The following EPB41L3 variants were observed in gnomAD, a reference collection of about 807,000 sequenced individuals.
The protein encoded by EPB41L3 is erythrocyte membrane protein band 4.1 like 3.
A neutral mutation model predicts 127.1 loss-of-function variants in EPB41L3; 57 were observed. The observed-to-expected ratio is 0.45, with a 90% CI of 0.36 to 0.56. The LOEUF is 0.56. Among genes scored for constraint, EPB41L3 ranks in the 20% least tolerant of loss-of-function variants. The pLI, the probability that EPB41L3 is intolerant of heterozygous loss-of-function variation, is 0.00. For missense variants in EPB41L3, 1,273 were observed against 1,372.2 expected, an observed-to-expected ratio of 0.93 and a Z score of 1.14; for synonymous variants, 572 against 549.5, an observed-to-expected ratio of 1.04 and a Z score of -0.57.
intron 14 of EPB41L3, among the ~76,000 whole-genome samples, chr18:5,408,205 T>C (rs2075726747): frequency 6.6e-6 from 1 of 152,074 alleles, no homozygotes; most frequent in East Asian, 1.9e-4. Context: ...TCAAAGAATA[T>C]GAAGAATTTT....
At chr18:5,536,985 C>G (rs759906477) in intron 1 of EPB41L3, among the ~76,000 whole-genome samples, 2 of 152,166 alleles carry the variant, frequency 1.3e-5, no homozygotes, top group Admixed American at 6.5e-5. Flanking sequence ...TTGTGATATA[C>G]CAGATACTGT....
intron 1 of EPB41L3, among the ~76,000 whole-genome samples, chr18:5,537,168 T>C (rs956256167): frequency 1.3e-5 from 2 of 152,232 alleles, no homozygotes; most frequent in Non-Finnish European, 2.9e-5. Context: ...TCCACTCTGA[T>C]ACGTAATACA....
chr18:5,537,564 C>T (rs2093609135), intron 1 of EPB41L3, among the ~76,000 whole-genome samples: 1 of 152,178 alleles, frequency 6.6e-6, no homozygotes, highest in Admixed American at 6.5e-5. Flanking sequence ...CCCTACTCAA[C>T]CACTTTCAAT....
At chr18:5,585,581 G>C (rs1310121571) in intron 3 of EPB41L3, among the ~76,000 whole-genome samples, 1 of 152,202 alleles carries the variant, frequency 6.6e-6, no homozygotes, top group African/African-American at 2.4e-5. Context: ...TCTATTGAAT[G>C]CTGCTCTTCT....
At chr18:5,495,399 T>TAAA (rs200781678) in intron 1 of EPB41L3, among the ~76,000 whole-genome samples, 5 of 116,014 alleles carry the variant, frequency 4.3e-5, no homozygotes, top group African/African-American at 6.1e-5. Flanking sequence ...ATTGGAAACT[T>TAAA]AAAAAAAAAA....
intron 1 of EPB41L3, among the ~76,000 whole-genome samples, chr18:5,503,617 G>T (rs1410267511): frequency 6.6e-6 from 1 of 152,092 alleles, no homozygotes; most frequent in Non-Finnish European, 1.5e-5. Flanking sequence ...CCAACCACTG[G>T]CCCCTCTCCA....
chr18:5,606,402 A>C (rs1315907080), intron 3 of EPB41L3, among the ~76,000 whole-genome samples: 2 of 152,228 alleles, frequency 1.3e-5, no homozygotes, highest in African/African-American at 2.4e-5. Flanking sequence ...ATTTTGAAAA[A>C]AAGAATCATT....
intron 5 of EPB41L3, among the ~76,000 whole-genome samples, chr18:5,441,066 TA>T (rs1568188404): frequency 6.6e-6 from 1 of 152,120 alleles, no homozygotes; most frequent in African/African-American, 2.4e-5. Flanking sequence ...AACAATTTTT[TA>T]AAAAAATAGA....
chr18:5,477,139 T>A (rs1270587888), intron 3 of EPB41L3, among the ~76,000 whole-genome samples: 1 of 152,192 alleles, frequency 6.6e-6, no homozygotes, highest in Non-Finnish European at 1.5e-5. Flanking sequence ...AGAAAAACAC[T>A]GGGTGCATGA....
At chr18:5,514,820 T>C (rs1288332746) in intron 1 of EPB41L3, among the ~76,000 whole-genome samples, 1 of 152,222 alleles carries the variant, frequency 6.6e-6, no homozygotes, top group African/African-American at 2.4e-5. Context: ...TAGAATCCAT[T>C]AGTGCTGACA....
intron 8 of EPB41L3, among the ~76,000 whole-genome samples, chr18:5,431,819 T>C (rs2079044241): frequency 6.6e-6 from 1 of 152,164 alleles, no homozygotes; most frequent in African/African-American, 2.4e-5. Flanking sequence ...TAATGTCTGT[T>C]CTTATTTTCA....
Position 5,457,762 on chromosome 18 carries a change from T to C in EPB41L3, c.382-12518A>G, listed in dbSNP as rs530957096. 1.9e-3 allele frequency among the ~76,000 whole-genome samples: 282 copies of C among 152,188 alleles called. 2 individuals carry two copies. The highest frequency in any genetic ancestry group is 6.3e-3 in the African/African-American group (262 of 41,534). The stretch of plus-strand genomic sequence containing the variant: ...AGGCTCTCTCCTGCAAAGAGGAGAC[T>C]GTACACACACCTCCACGCCCCGAAG... On this transcript the variant is annotated intron_variant, in intron 3 of 22. Coordinates refer to ENST00000341928, the MANE Select transcript of EPB41L3 (RefSeq NM_012307.5).
intron 3 of EPB41L3, among the ~76,000 whole-genome samples, chr18:5,549,731 T>C (rs1008637467): frequency 6.6e-6 from 1 of 152,082 alleles, no homozygotes; most frequent in Non-Finnish European, 1.5e-5. Context: ...GTTCCCCAGG[T>C]GATTATAAAT....
At chr18:5,424,130 A>AT in intron 10 of EPB41L3, 132 bp downstream of exon 10, 1 of 636,728 alleles carries the variant, frequency 1.6e-6, no homozygotes, top group Non-Finnish European at 2.5e-6. Flanking sequence ...AGGATTTCTT[A>AT]TCAAGAAATA....
intron 16 of EPB41L3, chr18:5,399,621 A>T (rs2074158548): frequency 2.8e-6 from 1 of 358,122 alleles, no homozygotes; most frequent in African/African-American, 2.1e-5. Flanking sequence ...TTTAAACTGG[A>T]ACATACTTTG....
chr18:5,488,066 T>C (rs1440193863), intron 2 of EPB41L3, among the ~76,000 whole-genome samples: 1 of 152,152 alleles, frequency 6.6e-6, no homozygotes, highest in Non-Finnish European at 1.5e-5. Flanking sequence ...GACATTTAAA[T>C]ATGGACTTAT....
At position 5,416,327 on chromosome 18, in the gene EPB41L3, A is replaced by C; in HGVS notation, c.1558T>G (p.Cys520Gly). ...AGCTCTGTGGGAGATGTGGGGGCACAATGGGTGGATGGGGGTGACAAGGGA... is the reference window on the plus strand; with the variant it reads ...AGCTCTGTGGGAGATGTGGGGGCACCATGGGTGGATGGGGGTGACAAGGGA... ...SCPLSPPSTH[C>G]APTSPTELRR... The change falls in exon 13 of 23, where the codon TGT becomes GGT. Residue 520 changes from cysteine to glycine, a missense_variant. Cys to Gly is a radical substitution (Grantham distance 159). Coordinates refer to ENST00000341928, the MANE Select transcript of EPB41L3 (RefSeq NM_012307.5). 6.2e-7 allele frequency: 1 copy of C among 1,613,990 alleles called. No individual in the cohort carries two copies. Among genetic ancestry groups the C allele is most frequent in the Non-Finnish European group, 8.5e-7 (1 of 1,179,992 alleles).
intron 16 of EPB41L3, chr18:5,399,808 G>A (rs76120239): frequency 0.095 from 14,681 of 154,414 alleles, 1,398 homozygotes; most frequent in African/African-American, 0.24. Context: ...ATCACAGAGA[G>A]CTTCCCAACA....
rs534946344 is a variant in EPB41L3, at chr18:5,454,511, A to G, written c.382-9267T>C. 1.4e-4 allele frequency among the ~76,000 whole-genome samples: 21 copies of G among 152,330 alleles called. No individual in the cohort carries two copies. In the East Asian group the frequency reaches 3.7e-3, roughly 27 times the overall value. On this transcript the variant is annotated intron_variant, in intron 3 of 22. Transcript: ENST00000341928. Reference sequence around the variant, plus strand: ...GAGGCAGGACTTAATGGGATCTTTCAGCCTATGTACTAATCCCAAATGTGG... The same window carrying G: ...GAGGCAGGACTTAATGGGATCTTTCGGCCTATGTACTAATCCCAAATGTGG...
Sources: allele counts gnomAD v4.1 joint callset (sites outside exome capture counted in the v4.1 genomes callset), GRCh38; gene constraint gnomAD v4.1.1; transcripts MANE v1.5; gene names NCBI Gene and HGNC (gene_info 2026-07-23, HGNC 2026-07-21).